MMS19: variants seen among roughly 807,000 people sequenced by gnomAD.
MMS19 encodes the protein MMS19 cytosolic iron-sulfur assembly component, also known as MMS19 nucleotide excision repair protein homolog.
A neutral mutation model predicts 129.8 loss-of-function variants in MMS19; 77 were observed. The ratio of observed to expected loss-of-function variants is 0.59; its 90% CI spans 0.49 to 0.72. MMS19 has a LOEUF of 0.72. MMS19 is among the 30% of genes least tolerant of loss of function. The pLI is 0.00. For synonymous variants in MMS19, 491 were observed against 502.8 expected (o/e 0.98, Z 0.31); for missense variants, 1,168 against 1,266.3 (o/e 0.92, Z 1.18).
chr10:97,497,471 T>C (rs1394160302), intron 1 of MMS19, among the ~76,000 whole-genome samples: 1 of 152,136 alleles, frequency 6.6e-6, no homozygotes, highest in East Asian at 1.9e-4. Context: ...TTTATATTGT[T>C]ACTTAAACCC....
At chr10:97,467,721 T>C in intron 13 of MMS19, 138 bp from the exon 14 acceptor site, 2 of 730,270 alleles carry the variant, frequency 2.7e-6, no homozygotes. Flanking sequence ...TGGAATACAG[T>C]AGCATGATTA....
At position 97,459,413 on chromosome 10, in the gene MMS19, G is replaced by A. The variant is rs758097477; in HGVS notation, c.2853C>T (p.His951=). 11 of 1,606,984 alleles carry A rather than the reference G, an allele frequency of 6.8e-6. No individual in the cohort carries two copies. The highest frequency in any genetic ancestry group is 4.5e-5 in the East Asian group (2 of 44,654). Residue 951 remains histidine (H), a synonymous_variant, in exon 28 of 31, where the codon CAC becomes CAT. Coordinates refer to ENST00000438925, the MANE Select transcript of MMS19 (RefSeq NM_022362.5). ...LLEAPQVMSL[H]VDTLVTKFLN... ...GAAACTTGGTGACGAGGGTGTCCAC[G>A]TGAAGACTCATGACTTGGGGTGCTT...
intron 1 of MMS19, among the ~76,000 whole-genome samples, chr10:97,489,172 A>C (rs537073512): frequency 6.6e-6 from 1 of 152,336 alleles, no homozygotes; most frequent in African/African-American, 2.4e-5. Flanking sequence ...AAATGAAGAA[A>C]GACTGAAGCT....
rs2033353491 is a variant in MMS19 at position 97,465,825 on chromosome 10, T to C, written c.1736A>G (p.His579Arg). 1.2e-6 allele frequency: 2 copies of C among 1,613,350 alleles called. No homozygotes were observed. The highest frequency in any genetic ancestry group is 1.7e-6 in the Non-Finnish European group (2 of 1,179,846). ...GTTACCTCTGTTCACTTGCCAGAGA[T>C]GCTGCAGCAGCAGAGGCAGTGTCTC... ...VKETLPLLLQ[H>R]LWQVNRGNMV... Residue 579 changes from histidine (H) to arginine (R), a missense_variant, in exon 18 of 31, where the codon CAT becomes CGT. Physicochemically the swap from His to Arg is conservative, Grantham distance 29. Transcript: ENST00000438925.
upstream of MMS19, chr10:97,498,449 C>T (rs1359059782): frequency 1.3e-6 from 2 of 1,534,348 alleles, no homozygotes; most frequent in Non-Finnish European, 1.7e-6. Flanking sequence ...TCCGCGCATG[C>T]GCCTCCCGAG....
At position 97,498,413 on chromosome 10, in the gene MMS19, T is replaced by C. The variant is rs1729348263; in HGVS notation, c.-29A>G. On this transcript the variant is annotated 5_prime_UTR_variant, in exon 1 of 31. In the 5' UTR this introduces an upstream ATG that the reference lacks. Transcript: ENST00000438925. ...GCGAACTAGAGACCGTGGGAGGGGA[T>C]ATGGGCGGTGGCTCGAGACGGGCTC... The C allele has an allele frequency of 2.5e-6, 4 of 1,573,682 alleles. No individual in the cohort carries two copies. In the South Asian group the frequency reaches 3.4e-5, roughly 14 times the overall value.
At chr10:97,468,122 C>T (rs1050873475) in intron 13 of MMS19, 130 bp downstream of exon 13, 46 of 744,420 alleles carry the variant, frequency 6.2e-5, no homozygotes, top group Admixed American at 9.0e-5. Flanking sequence ...AGGGAAGCAG[C>T]AGCAGCAGCT....
intron 26 of MMS19, 47 bp downstream of exon 26, chr10:97,459,999 C>T: frequency 1.3e-6 from 2 of 1,583,474 alleles, no homozygotes; most frequent in African/African-American, 2.7e-5. Context: ...TGTGGCCAAG[C>T]AAAGGAGAGA....
Position 97,498,390 on chromosome 10 carries a change from G to C in MMS19, c.-6C>G, listed in dbSNP as rs762641546. ...ACAGCCGCGGCAGCGGCCATAACGCGAACTAGAGACCGTGGGAGGGGATAT... is the reference window on the plus strand; with the variant it reads ...ACAGCCGCGGCAGCGGCCATAACGCCAACTAGAGACCGTGGGAGGGGATAT... On this transcript the variant is annotated 5_prime_UTR_variant, in exon 1 of 31. Transcript: ENST00000438925. 8.0e-5 allele frequency: 126 copies of C among 1,580,072 alleles called. 1 individual carries two copies. The highest frequency in any genetic ancestry group is 1.6e-4 in the Middle Eastern group (1 of 6,062).
chr10:97,476,989 ATAC>A (rs2035894646), intron 6 of MMS19, 26 bp from the exon 7 acceptor site: 1 of 1,613,398 alleles, frequency 6.2e-7, no homozygotes, highest in Non-Finnish European at 8.5e-7. Context: ...TAAGGTTACT[ATAC>A]TGTCCCACAG....
intron 3 of MMS19, 153 bp downstream of exon 3, chr10:97,480,789 C>A (rs1181031220): frequency 1.5e-6 from 1 of 665,576 alleles, no homozygotes; most frequent in African/African-American, 1.8e-5. Context: ...CTAATCATCT[C>A]TGCCACATAT....
At chr10:97,469,840 G>T in intron 10 of MMS19, 117 bp from the exon 11 acceptor site, 1 of 818,466 alleles carries the variant, frequency 1.2e-6, no homozygotes, top group Non-Finnish European at 2.0e-6. Flanking sequence ...AACCAGTTAA[G>T]ATTTTTAACA....
chr10:97,489,245 A>T (rs191040315), intron 1 of MMS19, among the ~76,000 whole-genome samples: 128 of 152,308 alleles, frequency 8.4e-4, no homozygotes, highest in Non-Finnish European at 1.6e-3. Flanking sequence ...TGTATATAAT[A>T]TGTGCGTAGC....
intron 1 of MMS19, among the ~76,000 whole-genome samples, chr10:97,486,878 T>TATATATATATATATATATATAC (rs2037967912): frequency 1.4e-5 from 1 of 73,892 alleles, no homozygotes; most frequent in Non-Finnish European, 2.8e-5. Flanking sequence ...TATATATATA[T>TATATATATATATATATATATAC]ATATATATAT....
intron 1 of MMS19, among the ~76,000 whole-genome samples, chr10:97,488,564 T>C (rs967981319): frequency 6.6e-6 from 1 of 152,248 alleles, no homozygotes; most frequent in Non-Finnish European, 1.5e-5. Flanking sequence ...ATACAAACTA[T>C]GGACACTCTC....
At chr10:97,495,669 T>C (rs1332633330) in intron 1 of MMS19, among the ~76,000 whole-genome samples, 2 of 152,280 alleles carry the variant, frequency 1.3e-5, no homozygotes, top group African/African-American at 2.4e-5. Context: ...CAACTCTTAG[T>C]ACAGATAACA....
At chr10:97,463,328 T>A (rs1210748108) in intron 19 of MMS19, among the ~76,000 whole-genome samples, 4 of 152,168 alleles carry the variant, frequency 2.6e-5, no homozygotes, top group Non-Finnish European at 2.9e-5. Context: ...TGCACCACTA[T>A]GTCTGACTAT....
intron 2 of MMS19, among the ~76,000 whole-genome samples, chr10:97,483,405 A>G (rs1306452931): frequency 6.6e-6 from 1 of 152,176 alleles, no homozygotes; most frequent in Non-Finnish European, 1.5e-5. Flanking sequence ...ATGTGAGCAG[A>G]AAGGTCAAAT....
chr10:97,477,597 A>G (rs948136067), intron 5 of MMS19, among the ~76,000 whole-genome samples, 181 bp from the exon 6 acceptor site: 3 of 152,230 alleles, frequency 2.0e-5, no homozygotes, highest in Non-Finnish European at 4.4e-5. Flanking sequence ...AGTGGTGCCA[A>G]TAATTCAAAC....
Sources: allele counts gnomAD v4.1 joint callset (sites outside exome capture counted in the v4.1 genomes callset), GRCh38; gene constraint gnomAD v4.1.1; transcripts MANE v1.5; gene names NCBI Gene and HGNC (gene_info 2026-07-23, HGNC 2026-07-21).